Variants in GLB1L3 observed in about 807,000 individuals in gnomAD.
GLB1L3 encodes galactosidase beta 1 like 3.
A neutral mutation model predicts 89.5 loss-of-function variants in GLB1L3; 89 were observed. The ratio of observed to expected loss-of-function variants is 0.99; its 90% confidence interval spans 0.84 to 1.19. GLB1L3 has a LOEUF of 1.19. GLB1L3 is among the 50% of genes most tolerant of loss of function. GLB1L3 has a pLI of 0.00. For synonymous variants in GLB1L3, 314 were observed against 312.3 expected (o/e 1.01, Z -0.06); for missense variants, 812 against 813.3 (o/e 1.00, Z 0.02).
downstream of GLB1L3, among the ~76,000 whole-genome samples, chr11:134,320,222 A>G (rs915799250): frequency 3.3e-5 from 5 of 152,198 alleles, no homozygotes; most frequent in Non-Finnish European, 7.3e-5. Flanking sequence ...TCTTGTGTCC[A>G]GAGGGAAGAG....
downstream of GLB1L3, among the ~76,000 whole-genome samples, chr11:134,320,939 A>G (rs1943159207): frequency 1.4e-5 from 2 of 139,858 alleles, no homozygotes; most frequent in African/African-American, 2.7e-5. Flanking sequence ...CTCATTACAT[A>G]CTGTGGATGT....
At chr11:134,305,063 G>T in intron 9 of GLB1L3, 1 of 1,543,638 alleles carries the variant, frequency 6.5e-7, no homozygotes. Flanking sequence ...GCTGTAGGCA[G>T]GGATGAATTC....
At chr11:134,286,649 C>T (rs1000745882) in intron 6 of GLB1L3, among the ~76,000 whole-genome samples, 29 of 150,834 alleles carry the variant, frequency 1.9e-4, no homozygotes, top group African/African-American at 7.3e-5. Context: ...TGGTGGCGGG[C>T]GCCTGTAGTC....
chr11:134,296,524 G>C (rs1249063167), intron 9 of GLB1L3, among the ~76,000 whole-genome samples: 2 of 141,578 alleles, frequency 1.4e-5, no homozygotes, highest in Admixed American at 1.4e-4. Context: ...AAAAAATGAT[G>C]AGTTCATGTC....
downstream of GLB1L3, among the ~76,000 whole-genome samples, chr11:134,319,755 C>T (rs899042896): frequency 1.3e-4 from 19 of 150,596 alleles, no homozygotes; most frequent in South Asian, 1.1e-3. Flanking sequence ...TGTGCGCGCG[C>T]GCGTGCATGT....
chr11:134,313,022 T>C (rs1591591692), intron 15 of GLB1L3, 135 bp downstream of exon 15: 2 of 710,160 alleles, frequency 2.8e-6, no homozygotes, highest in South Asian at 1.7e-5. Context: ...CGGCAGGAAG[T>C]GTGCAGGGCT....
downstream of GLB1L3, among the ~76,000 whole-genome samples, chr11:134,322,516 A>T (rs1943180205): frequency 6.6e-6 from 1 of 152,110 alleles, no homozygotes; most frequent in Non-Finnish European, 1.5e-5. Flanking sequence ...TCACCATCTG[A>T]TCTAGAACAT....
intron 6 of GLB1L3, among the ~76,000 whole-genome samples, chr11:134,285,473 C>T (rs976512694): frequency 6.6e-6 from 1 of 152,084 alleles, no homozygotes; most frequent in Non-Finnish European, 1.5e-5. Flanking sequence ...TCTCTTGATG[C>T]AGCTCGAGAT....
chr11:134,308,486 CCAT>C (rs1942484204), intron 10 of GLB1L3, among the ~76,000 whole-genome samples: 6 of 9,418 alleles, frequency 6.4e-4, no homozygotes, highest in South Asian at 2.0e-3. Context: ...ACCACCACCA[CCAT>C]CACCACCAAA....
In GLB1L3 at chr11:134,292,127, A is replaced by G; in HGVS notation, c.730-5A>G. On this transcript the variant is annotated splice_polypyrimidine_tract_variant and splice_region_variant and intron_variant, in intron 7 of 19. Coordinates refer to ENST00000431683, the MANE Select transcript of GLB1L3 (RefSeq NM_001080407.3). Reference sequence around the variant, plus strand: ...TGGGTTCATTTTGGTTAATTTTCTCAACAGGCCCTGCTGAGAAGAGGGATT... The same window carrying G: ...TGGGTTCATTTTGGTTAATTTTCTCGACAGGCCCTGCTGAGAAGAGGGATT... 3 of 1,612,320 alleles carry G rather than the reference A, an allele frequency of 1.9e-6. No homozygotes were observed. Among genetic ancestry groups the G allele is most frequent in the Non-Finnish European group, 2.5e-6 (3 of 1,178,576 alleles).
intron 19 of GLB1L3, 64 bp from the exon 20 acceptor site, chr11:134,318,813 T>C (rs1943089264): frequency 3.2e-6 from 5 of 1,546,666 alleles, no homozygotes; most frequent in Non-Finnish European, 4.5e-6. Flanking sequence ...AGTTGCAGTG[T>C]CTTTTTCAAC....
chr11:134,323,579 A>C (rs1396080456), downstream of GLB1L3, among the ~76,000 whole-genome samples: 1 of 152,172 alleles, frequency 6.6e-6, no homozygotes, highest in East Asian at 1.9e-4. Flanking sequence ...CGTCTAAAAA[A>C]AAAAAAAGTA....
chr11:134,278,814 C>T (rs1940525833), intron 3 of GLB1L3, among the ~76,000 whole-genome samples: 1 of 152,170 alleles, frequency 6.6e-6, no homozygotes, highest in Non-Finnish European at 1.5e-5. Context: ...CAGAAATAAT[C>T]GTTGAGTTTT....
At chr11:134,279,364 C>CTTTT (rs10577769) in intron 3 of GLB1L3, among the ~76,000 whole-genome samples, 68 of 108,144 alleles carry the variant, frequency 6.3e-4, no homozygotes, top group East Asian at 1.1e-3. Context: ...TTTTCTTTTT[C>CTTTT]TTTTTTTTTT....
chr11:134,314,593 T>C, intron 18 of GLB1L3, 152 bp downstream of exon 18: 1 of 660,722 alleles, frequency 1.5e-6, no homozygotes, highest in East Asian at 2.7e-5. Flanking sequence ...CATTGATCAG[T>C]CTTCCTAATT....
At chr11:134,291,344 T>A (rs1941346818) in intron 7 of GLB1L3, among the ~76,000 whole-genome samples, 1 of 151,120 alleles carries the variant, frequency 6.6e-6, no homozygotes, top group African/African-American at 2.4e-5. Context: ...CATTGCAACC[T>A]CTACCTCTGG....
At chr11:134,278,068 A>C (rs1940478441) in intron 3 of GLB1L3, among the ~76,000 whole-genome samples, 156 bp downstream of exon 3, 1 of 152,134 alleles carries the variant, frequency 6.6e-6, no homozygotes, top group Non-Finnish European at 1.5e-5. Flanking sequence ...TCCAGCTGTC[A>C]CTTAGTCTCA....
chr11:134,293,066 C>G lies in GLB1L3; in HGVS notation c.812-79C>G. 6.7e-6 allele frequency: 8 copies of G among 1,188,472 alleles called. No homozygotes were observed. In the South Asian group the frequency reaches 1.0e-4, roughly 15 times the overall value. The allele number at this position is 1,188,472 out of a possible 1,614,324, so 73.6% of individuals were successfully genotyped here. A position where few individuals can be genotyped will look rare whatever the true frequency, so the allele number is the denominator to read the frequency against. ...AGCATGGGTTCCTCCTGCGTGCGTCCGGGCCGGGGGCGCATTCCTTCCCTT... is the reference window on the plus strand; with the variant it reads ...AGCATGGGTTCCTCCTGCGTGCGTCGGGGCCGGGGGCGCATTCCTTCCCTT... On this transcript the variant is annotated intron_variant, in intron 8 of 19. Transcript: ENST00000431683.
At position 134,314,038 on chromosome 11, in the gene GLB1L3, A is replaced by T. The variant is rs755922964; in HGVS notation, c.1667+10A>T. ...TGAGCTTCTTTGAGAGGTATGCTCC[A>T]GCTGGCCCCCAGTGCACACTTCAGT... On this transcript the variant is annotated intron_variant, in intron 17 of 19. Coordinates refer to ENST00000431683, the MANE Select transcript of GLB1L3 (RefSeq NM_001080407.3). The T allele has an allele frequency of 6.3e-7, 1 of 1,578,592 alleles. No homozygotes were observed. The highest frequency in any genetic ancestry group is 1.1e-5 in the South Asian group (1 of 89,410).
Sources: allele counts gnomAD v4.1 joint callset (sites outside exome capture counted in the v4.1 genomes callset), GRCh38; gene constraint gnomAD v4.1.1; transcripts MANE v1.5; gene names NCBI Gene and HGNC (gene_info 2026-07-23, HGNC 2026-07-21).